Variants in MARCHF8 observed in about 807,000 individuals in gnomAD.
MARCHF8 encodes the protein membrane associated ring-CH-type finger 8, also known as E3 ubiquitin-protein ligase MARCHF8.
A neutral mutation model predicts 51.6 loss-of-function variants in MARCHF8; 40 were observed. The observed-to-expected ratio is 0.77, with a 90% CI of 0.60 to 1.01. The LOEUF (loss-of-function observed/expected upper bound fraction) is 1.01. Among genes scored for constraint, MARCHF8 ranks in the 50% least tolerant of loss-of-function variants. MARCHF8 has a pLI of 0.00. For synonymous variants in MARCHF8, 263 were observed against 280.3 expected (o/e 0.94, Z 0.62); for missense variants, 685 against 708.6 (o/e 0.97, Z 0.38).
intron 6 of MARCHF8, 63 bp downstream of exon 6, chr10:45,461,168 G>T: frequency 7.6e-7 from 1 of 1,310,070 alleles, no homozygotes; most frequent in Non-Finnish European, 1.0e-6. Context: ...CATGATCTGA[G>T]ACACCAGCTT....
chr10:45,469,757 C>A (rs1025860932), intron 3 of MARCHF8, among the ~76,000 whole-genome samples: 1 of 147,074 alleles, frequency 6.8e-6, no homozygotes, highest in Non-Finnish European at 1.5e-5. Context: ...CCCAGCTACT[C>A]GGGAGGCTGA....
chr10:45,506,822 A>G (rs1452442500), intron 2 of MARCHF8, among the ~76,000 whole-genome samples: 4 of 152,104 alleles, frequency 2.6e-5, no homozygotes, highest in Admixed American at 2.0e-4. Context: ...GGTAGTGGAA[A>G]ATTTTCACTT....
At chr10:45,520,612 T>C (rs2043690462) in intron 2 of MARCHF8, among the ~76,000 whole-genome samples, 1 of 152,214 alleles carries the variant, frequency 6.6e-6, no homozygotes, top group African/African-American at 2.4e-5. Context: ...ACCAGATTTC[T>C]GGGGGACTCC....
chr10:45,543,576 A>G (rs1485674721), intron 1 of MARCHF8, among the ~76,000 whole-genome samples: 1 of 152,128 alleles, frequency 6.6e-6, no homozygotes, highest in Non-Finnish European at 1.5e-5. Context: ...AGGCAGGCGG[A>G]TCACAAGGTC....
At chr10:45,568,478 T>G (rs2044390152) in intron 1 of MARCHF8, among the ~76,000 whole-genome samples, 1 of 152,138 alleles carries the variant, frequency 6.6e-6, no homozygotes, top group South Asian at 2.1e-4. Flanking sequence ...CTCAGCACTT[T>G]GGGAGGCCGA....
At position 45,546,138 on chromosome 10, in the gene MARCHF8, TTTTATTTA is replaced by T. The variant is rs370400917; in HGVS notation, c.-78-12857_-78-12850del. ...TTTAAAATATAAAAATGAGCTGAAT[TTTTATTTA>T]TTTATTTATTTATTTATTTATTTAT... On this transcript the variant is annotated intron_variant, in intron 1 of 6. Transcript: ENST00000319836. Among the ~76,000 whole-genome samples the T allele has an allele frequency of 2.6e-3, 389 of 147,790 alleles. 1 individual carries two copies. Among genetic ancestry groups the T allele is most frequent in the African/African-American group, 8.1e-3 (320 of 39,728 alleles).
At chr10:45,555,010 C>T (rs370146356) in intron 1 of MARCHF8, among the ~76,000 whole-genome samples, 5 of 151,868 alleles carry the variant, frequency 3.3e-5, no homozygotes, top group Middle Eastern at 3.2e-3. Flanking sequence ...GCTGAGATTG[C>T]GCCACTGCAT....
chr10:45,466,756 A>C (rs1198820552), intron 3 of MARCHF8, among the ~76,000 whole-genome samples: 1 of 152,144 alleles, frequency 6.6e-6, no homozygotes, highest in Non-Finnish European at 1.5e-5. Flanking sequence ...TGGGTCCGGG[A>C]GGCAGGTTTC....
At chr10:45,498,824 T>G (rs2043224592) in intron 2 of MARCHF8, among the ~76,000 whole-genome samples, 1 of 152,226 alleles carries the variant, frequency 6.6e-6, no homozygotes, top group African/African-American at 2.4e-5. Flanking sequence ...GCAATAAATG[T>G]ACCATATTTT....
At chr10:45,526,725 GAAAAA>G (rs886516059) in intron 2 of MARCHF8, among the ~76,000 whole-genome samples, 2 of 140,510 alleles carry the variant, frequency 1.4e-5, no homozygotes, top group Non-Finnish European at 3.1e-5. Flanking sequence ...GAAAAAAAAA[GAAAAA>G]AAAAACCCCA....
intron 1 of MARCHF8, among the ~76,000 whole-genome samples, chr10:45,541,805 T>G (rs972752810): frequency 1.3e-5 from 2 of 152,162 alleles, no homozygotes; most frequent in Non-Finnish European, 2.9e-5. Flanking sequence ...CTAATGTTTA[T>G]GAACATATTA....
exon 1 of MARCHF8, chr10:45,594,603 A>ACCCAGCCCAGCCCAGCCCAG (rs61367647): frequency 1.4e-4 from 16 of 112,828 alleles, no homozygotes; most frequent in South Asian, 2.9e-4. Context: ...GGCCGCCCCC[A>ACCCAGCCCAGCCCAGCCCAG]CCCAGCCCAG....
chr10:45,584,894 G>A (rs543913387), intron 1 of MARCHF8, among the ~76,000 whole-genome samples: 156 of 152,282 alleles, frequency 1.0e-3, no homozygotes, highest in African/African-American at 3.4e-3. Context: ...AGCTGAGAAC[G>A]ACCATCAGCT....
Position 45,454,759 on chromosome 10 carries a change from A to C in MARCHF8, c.*3480T>G, listed in dbSNP as rs1589060803. The C allele has an allele frequency of 6.6e-6, 1 of 152,256 alleles. No individual in the cohort carries two copies. The highest frequency in any genetic ancestry group is 1.5e-5 in the Non-Finnish European group (1 of 68,048). 9.4% of individuals were successfully genotyped at this position (152,256 alleles called of 1,614,324 possible). A position where few individuals can be genotyped will look rare whatever the true frequency, so the allele number is the denominator to read the frequency against. Reference sequence around the variant, plus strand: ...ACTTTCTAAGGTAAGAAAAATTTCAAATGTGAAGTGCCTTTTAGAAACTAC... The same window carrying C: ...ACTTTCTAAGGTAAGAAAAATTTCACATGTGAAGTGCCTTTTAGAAACTAC... On this transcript the variant is annotated 3_prime_UTR_variant, in exon 8 of 8. Coordinates refer to ENST00000453424, the MANE Select transcript of MARCHF8 (RefSeq NM_001282866.2).
Position 45,463,439 on chromosome 10 carries a change from T to C in MARCHF8, c.800A>G (p.His267Arg), listed in dbSNP as rs1842859462. ...QLLQYLFSLS[H>R]GLSASSLHRF... ...GTGCAGGCTGCTGGCGCTCAAGCCG[T>C]GCGAGAGTGAGAACAGGTACTGGAG... is the stretch of plus-strand genomic sequence containing the variant. The change falls in exon 5 of 8, where the codon CAC (histidine) becomes CGC (arginine). Residue 267 changes from histidine to arginine, a missense_variant. By Grantham distance (29) the His-to-Arg change is conservative. Transcript: ENST00000453424. 1.3e-6 allele frequency: 2 copies of C among 1,550,506 alleles called. No individual in the cohort carries two copies. Among genetic ancestry groups the C allele is most frequent in the South Asian group, 2.4e-5 (2 of 84,066 alleles).
intron 2 of MARCHF8, among the ~76,000 whole-genome samples, chr10:45,503,449 T>C (rs1025155890): frequency 6.6e-6 from 1 of 152,032 alleles, no homozygotes; most frequent in Non-Finnish European, 1.5e-5. Flanking sequence ...GGCAGGAGAA[T>C]TGCTTGAGCC....
intron 1 of MARCHF8, among the ~76,000 whole-genome samples, chr10:45,567,867 T>C (rs1218290325): frequency 1.3e-5 from 2 of 152,218 alleles, no homozygotes; most frequent in African/African-American, 2.4e-5. Context: ...TGTAGACTGC[T>C]TTGGGTAGTA....
At chr10:45,578,022 T>TA (rs1305384574) in intron 1 of MARCHF8, among the ~76,000 whole-genome samples, 1 of 152,074 alleles carries the variant, frequency 6.6e-6, no homozygotes, top group African/African-American at 2.4e-5. Flanking sequence ...ACCCTGTCTC[T>TA]AAAAAAATTG....
At position 45,564,755 on chromosome 10, in the gene MARCHF8, C is replaced by T. The variant is rs182323904; in HGVS notation, c.-79+29480G>A. 1.2e-3 allele frequency among the ~76,000 whole-genome samples: 175 copies of T among 150,526 alleles called. 1 individual carries two copies. Among genetic ancestry groups the T allele is most frequent in the African/African-American group, 4.1e-3 (167 of 41,054 alleles). ...AGTAACTAAGAATAAACAACAACAA[C>T]GACGACAATAACAGTAATATGACGG... On this transcript the variant is annotated intron_variant, in intron 1 of 6. Coordinates refer to the MARCHF8 transcript ENST00000319836.
Sources: gnomAD v4.1 joint callset for allele counts (sites outside exome capture counted in the v4.1 genomes callset) on GRCh38, gnomAD v4.1.1 for gene constraint, MANE v1.5 for transcripts, NCBI Gene and HGNC (gene_info 2026-07-23, HGNC 2026-07-21) for gene names.